Variants in RUNX1 observed in about 807,000 individuals in gnomAD.
RUNX1 encodes the protein RUNX family transcription factor 1.
Under a neutral mutation model 42.8 loss-of-function variants are expected in RUNX1, and 19 were observed. The ratio of observed to expected loss-of-function variants is 0.44; its 90% CI spans 0.31 to 0.65. The LOEUF (loss-of-function observed/expected upper bound fraction) is 0.65, where lower values mean the gene tolerates loss of function less well. Among genes scored for constraint, RUNX1 ranks in the 30% least tolerant of loss-of-function variants. RUNX1 has a pLI of 0.07. For synonymous variants in RUNX1, 271 were observed against 289.4 expected (o/e 0.94, Z 0.64); for missense variants, 528 against 672.0 (o/e 0.79, Z 2.37).
intron 2 of RUNX1, among the ~76,000 whole-genome samples, chr21:35,017,853 G>T (rs748299192): frequency 1.3e-5 from 2 of 152,186 alleles, no homozygotes; most frequent in Non-Finnish European, 2.9e-5. Context: ...AAAGTCTTTA[G>T]CTAAAGAACA....
At chr21:34,976,233 T>C (rs1427936109) in intron 2 of RUNX1, among the ~76,000 whole-genome samples, 1 of 152,170 alleles carries the variant, frequency 6.6e-6, no homozygotes, top group Non-Finnish European at 1.5e-5. Flanking sequence ...CTTGCTTACA[T>C]TTTGAAGTTA....
At position 34,885,230 on chromosome 21, in the gene RUNX1, C is replaced by T. The variant is rs76634499; in HGVS notation, c.351+1613G>A. The stretch of plus-strand genomic sequence containing the variant: ...CATTGGGGCAGCCAGGTTTTAATGG[C>T]CTTTGGTGGTTATCAGCCCGTCTTG... On this transcript the variant is annotated intron_variant, in intron 4 of 8. Transcript: ENST00000675419. Among the ~76,000 whole-genome samples, 1,233 of 152,226 alleles carry T rather than the reference C, an allele frequency of 8.1e-3. 12 individuals are homozygous for T. The highest frequency in any genetic ancestry group is 0.028 in the African/African-American group (1,153 of 41,532).
intron 5 of RUNX1, among the ~76,000 whole-genome samples, chr21:34,879,855 T>A (rs1171122699): frequency 2.0e-5 from 3 of 152,166 alleles, no homozygotes; most frequent in African/African-American, 7.2e-5. Flanking sequence ...GATAATGAGT[T>A]AAAGGCAAGG....
intron 5 of RUNX1, among the ~76,000 whole-genome samples, chr21:34,863,550 CTT>C (rs34743281): frequency 2.6e-4 from 28 of 109,114 alleles, no homozygotes; most frequent in South Asian, 1.3e-3. Context: ...TCATGCCCAT[CTT>C]TTTTTTTTTT....
rs1158303400 is a variant in RUNX1, at chr21:34,901,867, C to A, written c.59-8904G>T. ...CCATGGCTTTCAGTTCCCTAATTGG[C>A]GAATGTCACACTAGTAAGATTTTCT... On this transcript the variant is annotated intron_variant, in intron 2 of 8. Transcript: ENST00000675419. The surrounding 1 kb of genome is among the most constrained non-coding windows in gnomAD (Gnocchi z 4.3). Among the ~76,000 whole-genome samples the A allele has an allele frequency of 1.3e-5, 2 of 152,126 alleles. No homozygotes were observed. Among genetic ancestry groups the A allele is most frequent in the East Asian group, 1.9e-4 (1 of 5,196 alleles).
intron 8 of RUNX1, among the ~76,000 whole-genome samples, chr21:34,793,630 G>T (rs1027072478): frequency 3.9e-5 from 6 of 152,076 alleles, no homozygotes; most frequent in African/African-American, 1.4e-4. Flanking sequence ...TACTGCCTGT[G>T]GTTGCTTTAG....
At chr21:35,026,168 C>T (rs1022978896) in intron 2 of RUNX1, among the ~76,000 whole-genome samples, 6 of 152,140 alleles carry the variant, frequency 3.9e-5, no homozygotes, top group Non-Finnish European at 5.9e-5. Flanking sequence ...ATTACTGATT[C>T]GGGAACACTG....
chr21:35,003,535 A>G, intron 2 of RUNX1, among the ~76,000 whole-genome samples: 1 of 152,272 alleles, frequency 6.6e-6, no homozygotes, highest in Non-Finnish European at 1.5e-5. Flanking sequence ...TTTTTTAAAA[A>G]AAAAGATGAC....
chr21:34,990,354 C>T (rs941530673), intron 2 of RUNX1, among the ~76,000 whole-genome samples: 2 of 152,230 alleles, frequency 1.3e-5, no homozygotes, highest in Admixed American at 6.5e-5. Flanking sequence ...CTTCTGGAAG[C>T]TTCCCCAGGG....
intron 2 of RUNX1, among the ~76,000 whole-genome samples, chr21:34,893,687 C>A (rs191482059): frequency 6.0e-4 from 91 of 151,776 alleles, no homozygotes; most frequent in African/African-American, 2.2e-3. Flanking sequence ...AGAGGAAATA[C>A]TGTTCTTTAA....
In RUNX1 at chr21:34,901,863, T is replaced by C. The variant is rs1472898616; in HGVS notation, c.59-8900A>G. 3.9e-5 allele frequency among the ~76,000 whole-genome samples: 6 copies of C among 152,322 alleles called. No individual in the cohort carries two copies. In the East Asian group the frequency reaches 5.8e-4, roughly 15 times the overall value. ...TTGTCCATGGCTTTCAGTTCCCTAA[T>C]TGGCGAATGTCACACTAGTAAGATT... On this transcript the variant is annotated intron_variant, in intron 2 of 8. Coordinates refer to ENST00000675419, the MANE Select transcript of RUNX1 (RefSeq NM_001754.5). This position sits in a 1 kb window ranked among gnomAD's most constrained non-coding sequence, Gnocchi z 4.3.
At chr21:34,980,731 G>C (rs956400923) in intron 2 of RUNX1, among the ~76,000 whole-genome samples, 8 of 152,144 alleles carry the variant, frequency 5.3e-5, no homozygotes, top group Admixed American at 3.9e-4. Flanking sequence ...CACTGTGATT[G>C]TGTGCCAGTG....
At chr21:34,904,646 A>T (rs2058203420) in intron 2 of RUNX1, among the ~76,000 whole-genome samples, 1 of 152,196 alleles carries the variant, frequency 6.6e-6, no homozygotes, top group South Asian at 2.1e-4. Context: ...TATCTTAACA[A>T]TTCAAATGCA....
chr21:35,002,000 TAAATG>T (rs1363462258), intron 2 of RUNX1, among the ~76,000 whole-genome samples: 1 of 152,044 alleles, frequency 6.6e-6, no homozygotes, highest in Non-Finnish European at 1.5e-5. Context: ...AAGAACAAAA[TAAATG>T]AAAAGGCACC....
intron 2 of RUNX1, among the ~76,000 whole-genome samples, chr21:34,906,257 A>G (rs888383468): frequency 7.2e-5 from 11 of 152,310 alleles, no homozygotes; most frequent in Admixed American, 7.2e-4. Flanking sequence ...GGGTTTTGAC[A>G]GGTTTGGGGG....
intron 2 of RUNX1, among the ~76,000 whole-genome samples, chr21:34,949,114 C>A (rs553622116): frequency 2.6e-5 from 4 of 152,178 alleles, no homozygotes; most frequent in African/African-American, 4.8e-5. Context: ...CCCCATCCCC[C>A]CAAACAGCTA....
At chr21:34,870,165 A>T (rs1008529682) in intron 5 of RUNX1, among the ~76,000 whole-genome samples, 3 of 152,182 alleles carry the variant, frequency 2.0e-5, no homozygotes, top group Admixed American at 2.0e-4. Flanking sequence ...ACCCATTTAG[A>T]CAAACAAAAA....
At chr21:34,930,844 A>G (rs530072013) in intron 2 of RUNX1, among the ~76,000 whole-genome samples, 1 of 152,278 alleles carries the variant, frequency 6.6e-6, no homozygotes, top group South Asian at 2.1e-4. Context: ...CTCAATTGTA[A>G]GGTCACCCAT....
chr21:34,838,124 C>T (rs1396567837), intron 6 of RUNX1, among the ~76,000 whole-genome samples: 1 of 152,118 alleles, frequency 6.6e-6, no homozygotes, highest in Non-Finnish European at 1.5e-5. Context: ...ATAGTGAGAC[C>T]AGCTTTCACT....
Sources: gnomAD v4.1 joint callset for allele counts (sites outside exome capture counted in the v4.1 genomes callset) on GRCh38, gnomAD v4.1.1 for gene constraint, Gnocchi (gnomAD v3.1) non-coding constraint, MANE v1.5 for transcripts, NCBI Gene and HGNC (gene_info 2026-07-23, HGNC 2026-07-21) for gene names.